The following VWDE variants were observed in gnomAD, a reference collection of about 807,000 sequenced individuals.
VWDE encodes von Willebrand factor D and EGF domain-containing protein.
In VWDE, 207 loss-of-function variants were observed where a neutral mutation model predicts 178.4. That is an observed-to-expected ratio of 1.16 (90% CI 1.04 to 1.30). The LOEUF (loss-of-function observed/expected upper bound fraction) is 1.30, where lower values mean the gene tolerates loss of function less well. Among genes scored for constraint, VWDE ranks in the 50% most tolerant of loss-of-function variants. The pLI is 0.00. For synonymous variants in VWDE, 738 were observed against 651.4 expected (o/e 1.13, Z -2.02); for missense variants, 2,287 against 1,901.3 (o/e 1.20, Z -3.77).
rs1583286157 is a variant in VWDE at position 12,348,259 on chromosome 7, A to G, written c.3886+3314T>C. ...TTAAACTAAAGAGCTTCTGCACAGC[A>G]AAAGAAACTACCATCAGAGTGAACA... On this transcript the variant is annotated intron_variant, in intron 19 of 28. Coordinates refer to ENST00000275358, the MANE Select transcript of VWDE (RefSeq NM_001135924.3). Among the ~76,000 whole-genome samples, 2 of 148,726 alleles carry G rather than the reference A, an allele frequency of 1.3e-5. 1 individual carries two copies. The highest frequency in any genetic ancestry group is 4.3e-4 in the South Asian group (2 of 4,684).
At chr7:12,382,146 G>A (rs1215438538) in intron 4 of VWDE, among the ~76,000 whole-genome samples, 1 of 151,452 alleles carries the variant, frequency 6.6e-6, no homozygotes, top group Non-Finnish European at 1.5e-5. Context: ...TTCATTTGGT[G>A]TTGCTTCCCC....
At chr7:12,381,050 CAAA>C (rs1783827985) in intron 4 of VWDE, among the ~76,000 whole-genome samples, 1 of 152,020 alleles carries the variant, frequency 6.6e-6, no homozygotes, top group South Asian at 2.1e-4. Flanking sequence ...AAAGATGGAA[CAAA>C]CAAAATTAAG....
At chr7:12,386,125 T>C (rs1419101023) in intron 3 of VWDE, among the ~76,000 whole-genome samples, 1 of 152,082 alleles carries the variant, frequency 6.6e-6, no homozygotes. Flanking sequence ...AAATGATGGG[T>C]TTTTCCATGA....
At chr7:12,343,062 C>T in intron 22 of VWDE, 21 bp downstream of exon 22, 2 of 1,528,576 alleles carry the variant, frequency 1.3e-6, no homozygotes, top group South Asian at 1.2e-5. Context: ...TTATATCAGA[C>T]ATCAGGAGAG....
intron 1 of VWDE, among the ~76,000 whole-genome samples, chr7:12,396,565 T>C (rs561457584): frequency 6.6e-6 from 1 of 152,286 alleles, no homozygotes; most frequent in East Asian, 1.9e-4. Flanking sequence ...GTTTCTGACA[T>C]TCAAAATAGA....
intron 1 of VWDE, among the ~76,000 whole-genome samples, chr7:12,401,461 C>T (rs1479917971): frequency 6.6e-6 from 1 of 152,034 alleles, no homozygotes; most frequent in Non-Finnish European, 1.5e-5. Flanking sequence ...AAGAAAAAGG[C>T]CAAGTACTCA....
chr7:12,366,722 CTTAAG>C (rs1369352256), intron 13 of VWDE, among the ~76,000 whole-genome samples: 1 of 151,974 alleles, frequency 6.6e-6, no homozygotes, highest in Non-Finnish European at 1.5e-5. Context: ...GGTTTGCTGT[CTTAAG>C]TTTTCAGCTT....
At position 12,375,131 on chromosome 7, in the gene VWDE, A is replaced by G. The variant is rs1317356119; in HGVS notation, c.1121T>C (p.Phe374Ser). The G allele has an allele frequency of 6.4e-6, 10 of 1,551,168 alleles. No homozygotes were observed. Among genetic ancestry groups the G allele is most frequent in the Admixed American group, 3.9e-5 (2 of 50,968 alleles). Residue 374 changes from phenylalanine to serine, a missense_variant, in exon 8 of 29, where the codon TTT (phenylalanine) becomes TCT (serine). Phe to Ser is a radical substitution (Grantham distance 155). Coordinates refer to ENST00000275358, the MANE Select transcript of VWDE (RefSeq NM_001135924.3). ...SCANGTCSHTFVYYTAVTDFS... is the reference protein window; with the variant it reads ...SCANGTCSHTSVYYTAVTDFS... ...ATCTGTGACAGCAGTGTAGTACACA[A>G]AAGTGTGGCTACAGGTTCCATTAGC... is the stretch of plus-strand genomic sequence containing the variant.
intron 28 of VWDE, among the ~76,000 whole-genome samples, chr7:12,333,104 T>C (rs1242100748): frequency 6.6e-6 from 1 of 152,194 alleles, no homozygotes; most frequent in Non-Finnish European, 1.5e-5. Flanking sequence ...AGTTTAATCC[T>C]ATATGAAGAA....
In VWDE at chr7:12,331,154, A is replaced by G; in HGVS notation, c.*29T>C. On this transcript the variant is annotated 3_prime_UTR_variant, in exon 29 of 29. Coordinates refer to ENST00000275358, the MANE Select transcript of VWDE (RefSeq NM_001135924.3). ...CAAAATATTTCCATTCTTAAGATACAGGCTTGTAATTCATATACTTGATGC... is the reference window on the plus strand; with the variant it reads ...CAAAATATTTCCATTCTTAAGATACGGGCTTGTAATTCATATACTTGATGC... The G allele has an allele frequency of 2.6e-6, 4 of 1,524,912 alleles. No individual in the cohort carries two copies. Among genetic ancestry groups the G allele is most frequent in the Non-Finnish European group, 3.5e-6 (4 of 1,131,212 alleles). The allele number at this position is 1,524,912 out of a possible 1,614,324, so 94.5% of individuals were successfully genotyped here.
Position 12,380,686 on chromosome 7 carries a change from C to T in VWDE, c.589G>A (p.Val197Ile). ...LPPPPAGRPE[V>I]LVELIESRLF... ...CTGGACTCAATCAACTCCACCAGAA[C>T]CTCTGGCCTTCCTGCAGGTGGAGGT... Residue 197 changes from valine (V) to isoleucine (I), a missense_variant, in exon 5 of 29, where the codon GTT becomes ATT. By Grantham distance (29) the Val-to-Ile change is conservative. Coordinates refer to ENST00000275358, the MANE Select transcript of VWDE (RefSeq NM_001135924.3). The T allele has an allele frequency of 6.4e-7, 1 of 1,551,968 alleles. No homozygotes were observed. Among genetic ancestry groups the T allele is most frequent in the Non-Finnish European group, 8.7e-7 (1 of 1,147,038 alleles).
intron 4 of VWDE, among the ~76,000 whole-genome samples, chr7:12,381,830 T>C (rs1205063754): frequency 6.6e-6 from 1 of 151,816 alleles, no homozygotes; most frequent in Non-Finnish European, 1.5e-5. Context: ...AAGCTATCTA[T>C]GGAAATGATT....
chr7:12,333,082 A>T (rs1028257601), intron 28 of VWDE, among the ~76,000 whole-genome samples: 2 of 152,212 alleles, frequency 1.3e-5, no homozygotes, highest in African/African-American at 4.8e-5. Context: ...GATTAGAGAC[A>T]AAACACAATG....
Position 12,393,601 on chromosome 7 carries a change from C to G in VWDE, c.236G>C (p.Cys79Ser). The G allele has an allele frequency of 6.5e-7, 1 of 1,547,656 alleles. No individual in the cohort carries two copies. Among genetic ancestry groups the G allele is most frequent in the Non-Finnish European group, 8.7e-7 (1 of 1,145,124 alleles). The stretch of plus-strand genomic sequence containing the variant: ...CTTAGGGAGTTGACATACCTCAACA[C>G]ATTTGGTTGGCATCTCGGCAGGTCT... ...LDRPAEMPTKCVEMNHCGTQA... is the reference protein window; with the variant it reads ...LDRPAEMPTKSVEMNHCGTQA... Residue 79 changes from cysteine to serine, a missense_variant, in exon 2 of 29, where the codon TGT becomes TCT. Coordinates refer to ENST00000275358, the MANE Select transcript of VWDE (RefSeq NM_001135924.3).
At chr7:12,345,238 G>T (rs745969394) in intron 19 of VWDE, among the ~76,000 whole-genome samples, 1 of 151,966 alleles carries the variant, frequency 6.6e-6, no homozygotes, top group Non-Finnish European at 1.5e-5. Flanking sequence ...AATGTGATGA[G>T]AATACAGTAT....
chr7:12,354,270 G>T, intron 18 of VWDE: 1 of 356,712 alleles, frequency 2.8e-6, no homozygotes, highest in Non-Finnish European at 5.4e-6. Flanking sequence ...AAATACATGA[G>T]TCAAAAACAG....
rs1583304542 is a variant in VWDE, at chr7:12,361,397, C to T, written c.3023G>A (p.Gly1008Asp). ...CTGCCACTTCCCAGTTGGTTTCCCA[C>T]CCACCAGATCCATGGTATCAAACTG... is the stretch of plus-strand genomic sequence containing the variant. ...VQQFDTMDLV[G>D]GKPTGKWQLK... is the part of the protein sequence containing the mutation. The change falls in exon 14 of 29, where the codon GGT becomes GAT. Residue 1008 changes from glycine to aspartate, a missense_variant. Coordinates refer to ENST00000275358, the MANE Select transcript of VWDE (RefSeq NM_001135924.3). 1 of 1,550,298 alleles carries T rather than the reference C, an allele frequency of 6.5e-7. No homozygotes were observed. The highest frequency in any genetic ancestry group is 8.7e-7 in the Non-Finnish European group (1 of 1,146,474).
At chr7:12,347,845 A>G (rs998060827) in intron 19 of VWDE, among the ~76,000 whole-genome samples, 1 of 152,110 alleles carries the variant, frequency 6.6e-6, no homozygotes, top group African/African-American at 2.4e-5. Context: ...TACAGTAACC[A>G]AAACAGCATG....
At chr7:12,334,523 A>G (rs1428407832) in intron 27 of VWDE, among the ~76,000 whole-genome samples, 1 of 152,240 alleles carries the variant, frequency 6.6e-6, no homozygotes, top group Non-Finnish European at 1.5e-5. Context: ...ACAGCTGAGA[A>G]AGCACCATTC....
Sources: allele counts gnomAD v4.1 joint callset (sites outside exome capture counted in the v4.1 genomes callset), GRCh38; gene constraint gnomAD v4.1.1; transcripts MANE v1.5; gene names NCBI Gene and HGNC (gene_info 2026-07-23, HGNC 2026-07-21).